Variants in MVP observed in about 807,000 individuals in gnomAD.
MVP encodes the protein major vault protein.
In MVP, 62 loss-of-function variants were observed where a neutral mutation model predicts 83.5. The observed-to-expected ratio is 0.74, with a 90% CI of 0.61 to 0.92. The LOEUF (loss-of-function observed/expected upper bound fraction) is 0.92. MVP is among the 40% of genes least tolerant of loss of function. MVP has a pLI of 0.00. For missense variants in MVP, 1,000 were observed against 1,203.4 expected, an observed-to-expected ratio of 0.83 and a Z score of 2.50; for synonymous variants, 505 against 504.1, an observed-to-expected ratio of 1.00 and a Z score of -0.02.
At chr16:29,824,460 A>G (rs898699775) in intron 1 of MVP, among the ~76,000 whole-genome samples, 3 of 151,994 alleles carry the variant, frequency 2.0e-5, no homozygotes, top group Admixed American at 6.6e-5. Flanking sequence ...CACTTGGTCA[A>G]TTGCCATTTA....
intron 3 of MVP, 166 bp from the exon 4 acceptor site, chr16:29,833,567 C>A: frequency 1.2e-6 from 1 of 818,972 alleles, no homozygotes; most frequent in Non-Finnish European, 1.8e-6. Flanking sequence ...ACCTCAGTCT[C>A]CCAAAGTTCT....
At chr16:29,840,885 G>A (rs2067529259) in intron 8 of MVP, among the ~76,000 whole-genome samples, 1 of 150,370 alleles carries the variant, frequency 6.7e-6, no homozygotes, top group Admixed American at 6.6e-5. Context: ...GTTGCAGTGA[G>A]CCGAGATCAC....
At chr16:29,820,450 C>G (rs990563414), upstream of MVP, 3 of 151,928 alleles carry the variant, frequency 2.0e-5, no homozygotes, top group Non-Finnish European at 4.4e-5. Context: ...GAAGTGATCC[C>G]CAAGGCAGGG....
chr16:29,830,358 CAGGG>C (rs2150752335), intron 1 of MVP, 153 bp from the exon 2 acceptor site: 2 of 575,632 alleles, frequency 3.5e-6, no homozygotes, highest in South Asian at 2.0e-5. Context: ...GGGGTGAAGA[CAGGG>C]AGCAGTGGGC....
At chr16:29,823,517 C>G (rs532443032) in intron 1 of MVP, among the ~76,000 whole-genome samples, 3 of 151,948 alleles carry the variant, frequency 2.0e-5, no homozygotes, top group African/African-American at 7.3e-5. Context: ...ATAAAACCTG[C>G]TGGAGTGACA....
chr16:29,840,186 G>C lies in MVP; in HGVS notation c.918G>C (p.Lys306Asn), dbSNP rs769909510. The stretch of plus-strand genomic sequence containing the variant: ...TCACGTCTCCCCACTAGGGAGAGAA[G>C]TCTTTTTTCCTCCAGCCAGGAGAGC... ...LGQKRVVKGE[K>N]SFFLQPGEQL... The change falls in exon 8 of 15, where the codon AAG becomes AAC. Residue 306 changes from lysine (K) to asparagine (N), a missense_variant. Transcript: ENST00000357402. The C allele has an allele frequency of 3.1e-6, 5 of 1,609,464 alleles. No homozygotes were observed. In the South Asian group the frequency reaches 5.5e-5, roughly 18 times the overall value.
Position 29,833,921 on chromosome 16 carries a change from C to G in MVP, c.446-14C>G, listed in dbSNP as rs373016123. The G allele has an allele frequency of 6.2e-7, 1 of 1,614,130 alleles. No individual in the cohort carries two copies. Among genetic ancestry groups the G allele is most frequent in the African/African-American group, 1.3e-5 (1 of 75,044 alleles). On this transcript the variant is annotated splice_polypyrimidine_tract_variant and intron_variant, in intron 4 of 14. Transcript: ENST00000357402. ...TAGCCCTGATACCTTCTGACCATCACCTTCCCTCCCCAGGCACGTACATCC... is the reference window on the plus strand; with the variant it reads ...TAGCCCTGATACCTTCTGACCATCAGCTTCCCTCCCCAGGCACGTACATCC...
intron 1 of MVP, among the ~76,000 whole-genome samples, chr16:29,826,621 CAAA>C (rs35848068): frequency 6.8e-5 from 6 of 87,930 alleles, no homozygotes; most frequent in South Asian, 4.0e-4. Flanking sequence ...GACCTTATCT[CAAA>C]AAAAAAAAAA....
At chr16:29,824,976 A>G (rs1008004433) in intron 1 of MVP, among the ~76,000 whole-genome samples, 38 of 151,278 alleles carry the variant, frequency 2.5e-4, no homozygotes, top group Non-Finnish European at 8.8e-5. Context: ...TCCTGGCCTC[A>G]ATCCATCCTC....
At chr16:29,835,562 G>T in intron 5 of MVP, 142 bp from the exon 6 acceptor site, 2 of 446,884 alleles carry the variant, frequency 4.5e-6, no homozygotes, top group Non-Finnish European at 8.2e-6. Flanking sequence ...TAAGAGGACC[G>T]CAGTCAGGAA....
rs564629398 is a variant in MVP, at chr16:29,840,060, G to A, written c.910-118G>A. The A allele has an allele frequency of 4.8e-5, 50 of 1,041,388 alleles. No homozygotes were observed. The African/African-American group carries it at 6.3e-4, about 13-fold the overall frequency. The allele number at this position is 1,041,388 out of a possible 1,614,324, so 64.5% of individuals were successfully genotyped here. A position where few individuals can be genotyped will look rare whatever the true frequency, so the allele number is the denominator to read the frequency against. On this transcript the variant is annotated intron_variant, in intron 7 of 14. Transcript: ENST00000357402. ...CGTATTATGATGTGGGGGTGGGGGC[G>A]GGCTTCTGGTGCTCTTGTCCTCCAC...
At chr16:29,837,050 C>A (rs189969081) in intron 7 of MVP, 92 bp downstream of exon 7, 14 of 1,179,052 alleles carry the variant, frequency 1.2e-5, no homozygotes, top group South Asian at 1.5e-5. Flanking sequence ...TCCAGACGCA[C>A]GTTCTAGGAA....
In MVP at chr16:29,840,255, G is replaced by C; in HGVS notation, c.987G>C (p.Gln329His). 1 of 1,614,028 alleles carries C rather than the reference G, an allele frequency of 6.2e-7. No individual in the cohort carries two copies. The highest frequency in any genetic ancestry group is 8.5e-7 in the Non-Finnish European group (1 of 1,180,012). The change falls in exon 8 of 15, where the codon CAG becomes CAC. Residue 329 changes from glutamine to histidine, a missense_variant. By Grantham distance (24) the Gln-to-His change is conservative. Coordinates refer to ENST00000357402, the MANE Select transcript of MVP (RefSeq NM_005115.5). ...GIQDVYVLSEQQGLLLRALQP... is the reference protein window; with the variant it reads ...GIQDVYVLSEHQGLLLRALQP... ...AGGATGTGTATGTGCTGTCGGAGCAGCAGGGGCTGCTGCTGAGGGCCCTGC... is the reference window on the plus strand; with the variant it reads ...AGGATGTGTATGTGCTGTCGGAGCACCAGGGGCTGCTGCTGAGGGCCCTGC...
At chr16:29,846,769 G>A (rs1420131051) in intron 13 of MVP, among the ~76,000 whole-genome samples, 1 of 152,202 alleles carries the variant, frequency 6.6e-6, no homozygotes, top group Admixed American at 6.5e-5. Flanking sequence ...TGAGGCAGGA[G>A]AATTGCTTGA....
chr16:29,830,448 C>A, intron 1 of MVP, 67 bp from the exon 2 acceptor site: 1 of 1,409,544 alleles, frequency 7.1e-7, no homozygotes. Flanking sequence ...GAGTCTGTCA[C>A]CAGATTCATG....
rs138217857 is a variant in MVP, at chr16:29,830,640, G to A, written c.91G>A (p.Gly31Arg). 11 of 1,613,842 alleles carry A rather than the reference G, an allele frequency of 6.8e-6. No homozygotes were observed. The highest frequency in any genetic ancestry group is 6.7e-5 in the Admixed American group (4 of 59,946). The change falls in exon 2 of 15, where the codon GGG becomes AGG. Residue 31 changes from glycine (G) to arginine (R), a missense_variant. Transcript: ENST00000357402. ...CAGCAACGTGTCCCGTGTGGAGGTCGGGCCAAAGACCTACATCCGGCAGGA... is the reference window on the plus strand; with the variant it reads ...CAGCAACGTGTCCCGTGTGGAGGTCAGGCCAAAGACCTACATCCGGCAGGA... ...QNSNVSRVEV[G>R]PKTYIRQDNE...
At position 29,848,019 on chromosome 16, in the gene MVP, G is replaced by T; in HGVS notation, c.*30G>T. ...TGATTAATACAATGGAAGTTTCTGGGCATTTACAATTTCAACACTTTTCTC... is the reference window on the plus strand; with the variant it reads ...TGATTAATACAATGGAAGTTTCTGGTCATTTACAATTTCAACACTTTTCTC... On this transcript the variant is annotated 3_prime_UTR_variant, in exon 15 of 15. Coordinates refer to ENST00000357402, the MANE Select transcript of MVP (RefSeq NM_005115.5). The T allele has an allele frequency of 3.8e-6, 6 of 1,596,994 alleles. No individual in the cohort carries two copies. The highest frequency in any genetic ancestry group is 5.1e-6 in the Non-Finnish European group (6 of 1,170,950).
intron 1 of MVP, among the ~76,000 whole-genome samples, chr16:29,824,842 T>C (rs548572064): frequency 1.1e-3 from 164 of 152,202 alleles, no homozygotes; most frequent in African/African-American, 3.8e-3. Flanking sequence ...CGTTTATTTA[T>C]TAAGTTTTGC....
chr16:29,834,338 A>G (rs2067468512), intron 5 of MVP: 1 of 421,710 alleles, frequency 2.4e-6, no homozygotes, highest in South Asian at 2.1e-5. Context: ...GCCATGACTT[A>G]CCTGATTCTG....
Sources: gnomAD v4.1 joint callset for allele counts (sites outside exome capture counted in the v4.1 genomes callset) on GRCh38, gnomAD v4.1.1 for gene constraint, MANE v1.5 for transcripts, NCBI Gene and HGNC (gene_info 2026-07-23, HGNC 2026-07-21) for gene names.